ZNF391: variants seen among roughly 807,000 people sequenced by gnomAD.
ZNF391 encodes the protein zinc finger protein 391.
For missense variants in ZNF391, 375 were observed against 425.5 expected (o/e 0.88, Z 1.04); for synonymous variants, 126 against 142.1 (o/e 0.89, Z 0.80).
At chr6:27,379,783 A>C (rs1761470690) in intron 1 of ZNF391, among the ~76,000 whole-genome samples, 1 of 152,210 alleles carries the variant, frequency 6.6e-6, no homozygotes, top group Admixed American at 6.5e-5. Context: ...CAATCTATTT[A>C]ACCAGAGCCT....
intron 1 of ZNF391, among the ~76,000 whole-genome samples, chr6:27,379,573 C>A (rs1352283758): frequency 2.0e-5 from 3 of 151,556 alleles, no homozygotes; most frequent in African/African-American, 7.3e-5. Flanking sequence ...ATGTGAATAA[C>A]TACGATTAAA....
upstream of ZNF391, among the ~76,000 whole-genome samples, chr6:27,385,920 C>T (rs1761577005): frequency 6.6e-6 from 1 of 152,038 alleles, no homozygotes; most frequent in Admixed American, 6.6e-5. Flanking sequence ...AGAAATCATA[C>T]AATGATTTAT....
At chr6:27,390,221 G>A (rs1349519065) in intron 1 of ZNF391, among the ~76,000 whole-genome samples, 2 of 152,182 alleles carry the variant, frequency 1.3e-5, no homozygotes, top group East Asian at 3.8e-4. Context: ...CCTGGATCAG[G>A]AATTGATTAT....
rs762762875 is a variant in ZNF391 at position 27,400,414 on chromosome 6, A to C, written c.44A>C (p.Glu15Ala). The part of the protein sequence containing the change: ...RGNTAQGPTN[E>A]EDYKNEGQLS... ...AATACTGCTCAGGGTCCTACAAATG[A>C]AGAAGACTATAAAAACGAAGGCCAA... Residue 15 changes from glutamate (E) to alanine (A), a missense_variant, in exon 3 of 3, where the codon GAA becomes GCA. Coordinates refer to ENST00000244576, the MANE Select transcript of ZNF391 (RefSeq NM_001076781.3). The C allele has an allele frequency of 3.7e-6, 6 of 1,613,588 alleles. No homozygotes were observed. The South Asian group carries it at 6.6e-5, about 18-fold the overall frequency.
chr6:27,382,248 G>C (rs1376500452), intron 1 of ZNF391, among the ~76,000 whole-genome samples: 1 of 151,988 alleles, frequency 6.6e-6, no homozygotes, highest in Non-Finnish European at 1.5e-5. Context: ...TATCACTATA[G>C]GAGGCTGAGA....
Position 27,401,426 on chromosome 6 carries a change from G to C in ZNF391, c.1056G>C (p.Gln352His). The C allele has an allele frequency of 1.2e-6, 2 of 1,608,720 alleles. No homozygotes were observed. Among genetic ancestry groups the C allele is most frequent in the Non-Finnish European group, 1.7e-6 (2 of 1,179,184 alleles). Reference sequence around the variant, plus strand: ...AGAGTTCAACTCTGATCAGACATCAGCACCTTCATACTAAAGAGTAATATC... The same window carrying C: ...AGAGTTCAACTCTGATCAGACATCACCACCTTCATACTAAAGAGTAATATC... Reference protein sequence around the residue: ...FCQSSTLIRHQHLHTKE With the variant: ...FCQSSTLIRHHHLHTKE The change falls in exon 3 of 3, where the codon CAG becomes CAC. Residue 352 changes from glutamine to histidine, a missense_variant. Transcript: ENST00000244576.
chr6:27,383,588 C>T (rs1232792620), intron 1 of ZNF391, among the ~76,000 whole-genome samples: 1 of 152,148 alleles, frequency 6.6e-6, no homozygotes. Context: ...CTGCCAAACT[C>T]TTGTATCTTC....
intron 1 of ZNF391, among the ~76,000 whole-genome samples, chr6:27,381,321 C>T (rs1287778280): frequency 6.6e-6 from 1 of 152,258 alleles, no homozygotes; most frequent in African/African-American, 2.4e-5. Flanking sequence ...TGCTAAGCCC[C>T]TCATTGCCCG....
chr6:27,393,106 A>C (rs1761751602), intron 1 of ZNF391, among the ~76,000 whole-genome samples: 1 of 152,238 alleles, frequency 6.6e-6, no homozygotes, highest in African/African-American at 2.4e-5. Context: ...CATCTAATGC[A>C]TAATACAGTT....
At chr6:27,381,232 C>T (rs1408584285) in intron 1 of ZNF391, among the ~76,000 whole-genome samples, 3 of 152,232 alleles carry the variant, frequency 2.0e-5, no homozygotes, top group Non-Finnish European at 4.4e-5. Context: ...AGCTAAGGCC[C>T]GGCGAGAAAT....
Position 27,400,827 on chromosome 6 carries a change from AT to A in ZNF391, c.459del (p.Ile153MetfsTer84), listed in dbSNP as rs1310636641. On this transcript the variant is annotated frameshift_variant, in exon 3 of 3. Transcript: ENST00000244576. LOFTEE classifies it low-confidence loss of function (END_TRUNC). ...ATCTTTCAGCCGAAGTACACACCTT[AT>A]TGAACATCAAAGAACTCACACTGGA... The part of the protein sequence containing the change: ...GKSFSRSTHL[I>X]EHQRTHTGEK... 5.6e-6 allele frequency: 9 copies of A among 1,614,108 alleles called. No individual in the cohort carries two copies. The African/African-American group carries it at 1.2e-4, about 22-fold the overall frequency.
Position 27,400,574 on chromosome 6 carries a change from C to T in ZNF391, c.204C>T (p.Ser68=). ...CTGAATCCAGTGAATTTAGTCTAAG[C>T]CCAAACCTTGACGCACAACAGAAAA... is the stretch of plus-strand genomic sequence containing the variant. ...EGPESSEFSL[S]PNLDAQQKIP... Residue 68 remains serine, a synonymous_variant, in exon 3 of 3, where the codon AGC becomes AGT. Coordinates refer to ENST00000244576, the MANE Select transcript of ZNF391 (RefSeq NM_001076781.3). The T allele has an allele frequency of 6.2e-7, 1 of 1,614,156 alleles. No individual in the cohort carries two copies. Among genetic ancestry groups the T allele is most frequent in the Non-Finnish European group, 8.5e-7 (1 of 1,180,020 alleles).
chr6:27,397,752 C>A (rs908183984), intron 1 of ZNF391, among the ~76,000 whole-genome samples: 1 of 152,156 alleles, frequency 6.6e-6, no homozygotes, highest in East Asian at 1.9e-4. Context: ...GCCTCACCCC[C>A]CCAAGTAGCT....
intron 1 of ZNF391, among the ~76,000 whole-genome samples, chr6:27,399,022 G>C (rs904123692): frequency 1.3e-5 from 2 of 152,176 alleles, no homozygotes; most frequent in Non-Finnish European, 2.9e-5. Flanking sequence ...TGAGAAGAAT[G>C]TTAGGGGTCA....
intron 1 of ZNF391, among the ~76,000 whole-genome samples, chr6:27,394,143 C>A (rs909069377): frequency 6.6e-6 from 1 of 152,138 alleles, no homozygotes; most frequent in Non-Finnish European, 1.5e-5. Context: ...TAGAGAGTTG[C>A]ATAACTAAAA....
upstream of ZNF391, among the ~76,000 whole-genome samples, chr6:27,388,084 T>C (rs1340015255): frequency 6.6e-6 from 1 of 152,174 alleles, no homozygotes; most frequent in African/African-American, 2.4e-5. Flanking sequence ...ACTCTTCTAG[T>C]TCCTCAACTA....
chr6:27,403,581 C>T lies in ZNF391; in HGVS notation c.*2134C>T, dbSNP rs1353107302. The T allele has an allele frequency of 6.6e-6, 1 of 152,122 alleles. No individual in the cohort carries two copies. The highest frequency in any genetic ancestry group is 1.9e-4 in the East Asian group (1 of 5,194). The allele number at this position is 152,122 out of a possible 1,614,324, so 9.4% of individuals were successfully genotyped here. Reference sequence around the variant, plus strand: ...AAATCATCCTAAATCTTTTATAAGCCTCATATAATACATAGTACAATGCCA... The same window carrying T: ...AAATCATCCTAAATCTTTTATAAGCTTCATATAATACATAGTACAATGCCA... On this transcript the variant is annotated 3_prime_UTR_variant, in exon 3 of 3. Coordinates refer to ENST00000244576, the MANE Select transcript of ZNF391 (RefSeq NM_001076781.3).
chr6:27,378,725 G>A (rs953355980), intron 1 of ZNF391, among the ~76,000 whole-genome samples: 1 of 152,146 alleles, frequency 6.6e-6, no homozygotes, highest in Non-Finnish European at 1.5e-5. Flanking sequence ...CAATATTCCT[G>A]TATATAACAT....
At chr6:27,393,400 T>C (rs563935377) in intron 1 of ZNF391, among the ~76,000 whole-genome samples, 1 of 152,280 alleles carries the variant, frequency 6.6e-6, no homozygotes, top group South Asian at 2.1e-4. Context: ...CCCTTTGCCT[T>C]CCACCATGAG....
Sources: gnomAD v4.1 joint callset for allele counts (sites outside exome capture counted in the v4.1 genomes callset) on GRCh38, gnomAD v4.1.1 for gene constraint, MANE v1.5 for transcripts, NCBI Gene and HGNC (gene_info 2026-07-23, HGNC 2026-07-21) for gene names.